The following CLCA1 variants were observed in gnomAD, a reference collection of about 807,000 sequenced individuals.
CLCA1 encodes the protein chloride channel accessory 1.
Under a neutral mutation model 85.6 loss-of-function variants are expected in CLCA1, and 59 were observed. The observed-to-expected ratio is 0.69, with a 90% CI of 0.56 to 0.86. The LOEUF is 0.86. Ranked by LOEUF, CLCA1 falls within the 40% of genes least tolerant of loss-of-function variation. CLCA1 has a pLI of 0.00. For synonymous variants in CLCA1, 396 were observed against 398.3 expected, an observed-to-expected ratio of 0.99 and a Z score of 0.07; for missense variants, 1,022 against 1,101.4, an observed-to-expected ratio of 0.93 and a Z score of 1.02.
chr1:86,492,650 A>G (rs1648168323), intron 9 of CLCA1, among the ~76,000 whole-genome samples: 1 of 152,188 alleles, frequency 6.6e-6, no homozygotes, highest in Admixed American at 6.5e-5. Flanking sequence ...CACATTTTCT[A>G]AAAAAGCCTT....
chr1:86,471,213 T>G (rs1036009879), intron 1 of CLCA1, among the ~76,000 whole-genome samples: 1 of 152,236 alleles, frequency 6.6e-6, no homozygotes, highest in Non-Finnish European at 1.5e-5. Context: ...CCAGGCACTG[T>G]GCCTGTCTTG....
At chr1:86,495,954 G>C (rs1004695231) in intron 12 of CLCA1, among the ~76,000 whole-genome samples, 1 of 152,136 alleles carries the variant, frequency 6.6e-6, no homozygotes, top group East Asian at 1.9e-4. Flanking sequence ...TAACCCTTAG[G>C]GGGGCAAACT....
chr1:86,475,399 A>C (rs1199621988), intron 3 of CLCA1, among the ~76,000 whole-genome samples: 1 of 152,204 alleles, frequency 6.6e-6, no homozygotes, highest in Non-Finnish European at 1.5e-5. Context: ...TAAGTCATTC[A>C]CTCAAGTTTA....
At chr1:86,480,810 T>C (rs140246173) in intron 4 of CLCA1, among the ~76,000 whole-genome samples, 2 of 152,272 alleles carry the variant, frequency 1.3e-5, no homozygotes, top group East Asian at 3.9e-4. Context: ...GCAACTTTTC[T>C]GGAAAGCAAT....
In CLCA1 at chr1:86,473,833, T is replaced by A; in HGVS notation, c.408T>A (p.Pro136=). Residue 136 remains proline (P), a synonymous_variant, in exon 3 of 14, where the codon CCT becomes CCA. Coordinates refer to ENST00000394711, the MANE Select transcript of CLCA1 (RefSeq NM_001285.4). ...GEKGERIHLT[P]DFIAGKKLAE... ...AGGGTGAAAGGATCCACCTCACTCC[T>A]GATTTCATTGCAGGAAAAAAGTTAG... The A allele has an allele frequency of 6.2e-7, 1 of 1,611,506 alleles. No individual in the cohort carries two copies. The highest frequency in any genetic ancestry group is 8.5e-7 in the Non-Finnish European group (1 of 1,178,446).
rs760059082 is a variant in CLCA1, at chr1:86,498,774, T to C, written c.2316T>C (p.Thr772=). Residue 772 remains threonine (T), a synonymous_variant, in exon 13 of 14, where the codon ACT becomes ACC. Transcript: ENST00000394711. ...ACGGGGGCAGTCTCATTAATCTGAC[T>C]TGGACAGCTCCTGGGGATGATTATG... ...EIHGGSLINL[T]WTAPGDDYDH... is the part of the protein sequence containing the mutation. The C allele has an allele frequency of 1.2e-6, 2 of 1,614,122 alleles. No homozygotes were observed. The highest frequency in any genetic ancestry group is 1.7e-6 in the Non-Finnish European group (2 of 1,180,022).
chr1:86,494,201 A>C lies in CLCA1; in HGVS notation c.1695A>C (p.Lys565Asn), dbSNP rs768654684. Residue 565 changes from lysine (K) to asparagine (N), a missense_variant, in exon 11 of 14, where the codon AAA becomes AAC. Coordinates refer to ENST00000394711, the MANE Select transcript of CLCA1 (RefSeq NM_001285.4). ...GTTTTGGTCAGGTTGGCACTTGGAA[A>C]TACAGTCTGCAAGCAAGCTCACAAA... ...IPGIAKVGTWKYSLQASSQTL... is the reference protein window; with the variant it reads ...IPGIAKVGTWNYSLQASSQTL... 1 of 1,614,208 alleles carries C rather than the reference A, an allele frequency of 6.2e-7. No homozygotes were observed.
chr1:86,484,721 G>A (rs2734703), intron 5 of CLCA1, among the ~76,000 whole-genome samples: 86,913 of 151,856 alleles, frequency 0.57, 26,586 homozygotes, highest in East Asian at 0.79. Context: ...ATATAGTGAA[G>A]TGCACTGGTC....
intron 1 of CLCA1, among the ~76,000 whole-genome samples, chr1:86,470,962 A>G (rs988104719): frequency 2.6e-5 from 4 of 152,190 alleles, no homozygotes; most frequent in African/African-American, 9.7e-5. Flanking sequence ...ATCGCTCTGC[A>G]CCACTTCCAT....
chr1:86,490,568 C>T (rs1429715708), intron 8 of CLCA1, among the ~76,000 whole-genome samples: 1 of 152,134 alleles, frequency 6.6e-6, no homozygotes, highest in Non-Finnish European at 1.5e-5. Context: ...AATTATGTTT[C>T]AAATAAGAGT....
At chr1:86,491,219 A>T in intron 8 of CLCA1, 46 bp from the exon 9 acceptor site, 1 of 1,398,442 alleles carries the variant, frequency 7.2e-7, no homozygotes, top group Non-Finnish European at 1.0e-6. Context: ...TGTTGCAAAT[A>T]GTTGCTTTCT....
chr1:86,483,897 C>T (rs1325526255), intron 5 of CLCA1, among the ~76,000 whole-genome samples: 2 of 152,152 alleles, frequency 1.3e-5, no homozygotes, highest in Non-Finnish European at 2.9e-5. Flanking sequence ...TTCATTGACT[C>T]ACAGTTCCAC....
intron 1 of CLCA1, among the ~76,000 whole-genome samples, chr1:86,471,619 T>C (rs151144369): frequency 2.0e-3 from 307 of 152,342 alleles, no homozygotes; most frequent in Non-Finnish European, 3.1e-3. Flanking sequence ...TGAAGTTTTA[T>C]ACCTACTTTT....
intron 12 of CLCA1, among the ~76,000 whole-genome samples, chr1:86,496,409 GCC>G (rs1182241177): frequency 4.6e-5 from 7 of 152,178 alleles, no homozygotes; most frequent in Non-Finnish European, 8.8e-5. Context: ...AGCACACTGA[GCC>G]CACGTGTAAG....
At chr1:86,487,750 C>A (rs2753334) in intron 7 of CLCA1, among the ~76,000 whole-genome samples, 76,100 of 151,878 alleles carry the variant, frequency 0.5, 20,164 homozygotes, top group South Asian at 0.6. Flanking sequence ...CTCCATCCAG[C>A]CTCTAGCCAT....
intron 7 of CLCA1, among the ~76,000 whole-genome samples, 167 bp from the exon 8 acceptor site, chr1:86,488,829 G>T (rs111489468): frequency 3.3e-5 from 5 of 152,282 alleles, no homozygotes; most frequent in African/African-American, 1.2e-4. Context: ...CATGAATGCT[G>T]CTGGGTTAAG....
chr1:86,499,586 G>C (rs976355818), intron 13 of CLCA1, 68 bp from the exon 14 acceptor site: 1 of 1,013,424 alleles, frequency 9.9e-7, no homozygotes, highest in Non-Finnish European at 1.4e-6. Context: ...ATTTTTTAAA[G>C]CTCTACTGCT....
intron 9 of CLCA1, among the ~76,000 whole-genome samples, chr1:86,491,705 A>G (rs546367610): frequency 1.3e-5 from 2 of 152,246 alleles, no homozygotes; most frequent in South Asian, 4.1e-4. Flanking sequence ...AGAGTAGATC[A>G]TCTCAATTAC....
At chr1:86,498,934 G>A (rs1034763622) in intron 13 of CLCA1, 123 bp downstream of exon 13, 6 of 1,095,964 alleles carry the variant, frequency 5.5e-6, no homozygotes, top group African/African-American at 3.2e-5. Context: ...GGATCTTGCC[G>A]GTCCTTTGAA....
Sources: allele counts gnomAD v4.1 joint callset (sites outside exome capture counted in the v4.1 genomes callset), GRCh38; gene constraint gnomAD v4.1.1; transcripts MANE v1.5; gene names NCBI Gene and HGNC (gene_info 2026-07-23, HGNC 2026-07-21).